Variants in ZNF541 observed in about 807,000 individuals in gnomAD.
ZNF541 encodes zinc finger protein 541.
ZNF541 carries 23 observed loss-of-function variants against 123.5 expected under a neutral mutation model. That is an observed-to-expected ratio of 0.19 (90% confidence interval 0.13 to 0.26). ZNF541 has a LOEUF of 0.26. Ranked by LOEUF, ZNF541 falls within the 10% of genes least tolerant of loss-of-function variation. ZNF541 has a pLI of 1.00. For missense variants in ZNF541, 1,612 were observed against 1,789.9 expected, an observed-to-expected ratio of 0.90 and a Z score of 1.79; for synonymous variants, 751 against 754.5, an observed-to-expected ratio of 1.00 and a Z score of 0.08.
rs2123120388 is a variant in ZNF541 at position 47,544,184 on chromosome 19, G to A, written c.2345C>T (p.Ser782Leu). 3 of 1,551,164 alleles carry A rather than the reference G, an allele frequency of 1.9e-6. No homozygotes were observed. Among genetic ancestry groups the A allele is most frequent in the African/African-American group, 1.4e-5 (1 of 73,022 alleles). Residue 782 changes from serine to leucine, a missense_variant, in exon 5 of 17, where the codon TCG becomes TTG. Ser to Leu is a moderately radical substitution (Grantham distance 145). Around this residue, in one of 5 missense-constraint regions of ZNF541, gnomAD observed 1,080 missense variants for 1,013.8 expected, o/e 1.07. Transcript: ENST00000391901. ...GGAGGGATCTGCCGGGGGCCCGGCC[G>A]ATGAGAAGGAGGCCATGGCTACCTG... is the stretch of plus-strand genomic sequence containing the variant. ...PSQVAMASFS[S>L]AGPPADPSKS...
rs1295017379 is a variant in ZNF541, at chr19:47,544,107, C to T, written c.2403+19G>A. 51 of 1,533,378 alleles carry T rather than the reference C, an allele frequency of 3.3e-5. No homozygotes were observed. The highest frequency in any genetic ancestry group is 4.0e-5 in the Non-Finnish European group (46 of 1,136,684). The allele number at this position is 1,533,378 out of a possible 1,614,324, so 95.0% of individuals were successfully genotyped here. ...AACTCACTCCACTCTGGTCAGGCCA[C>T]GTGAGAGAGAGCTGGTACCTGGATT... On this transcript the variant is annotated intron_variant, in intron 5 of 16. Transcript: ENST00000391901.
intron 6 of ZNF541, 67 bp from the exon 7 acceptor site, chr19:47,540,402 T>C: frequency 6.9e-7 from 1 of 1,447,266 alleles, no homozygotes; most frequent in Admixed American, 2.9e-5. Flanking sequence ...GATTTTTTGT[T>C]GTTTTTTTTT....
chr19:47,525,786 T>G (rs577259183), intron 14 of ZNF541, among the ~76,000 whole-genome samples: 247 of 152,034 alleles, frequency 1.6e-3, no homozygotes, highest in Non-Finnish European at 3.1e-3. Flanking sequence ...GGTGGTGGCA[T>G]GTGCCTGTAG....
chr19:47,531,989 C>G, intron 11 of ZNF541, 139 bp downstream of exon 11: 1 of 1,216,278 alleles, frequency 8.2e-7, no homozygotes, highest in Non-Finnish European at 1.1e-6. Context: ...CAACGCTGGC[C>G]AAGAGCCAGC....
intron 14 of ZNF541, among the ~76,000 whole-genome samples, chr19:47,523,194 AT>A: frequency 6.9e-6 from 1 of 145,234 alleles, no homozygotes; most frequent in African/African-American, 2.6e-5. Flanking sequence ...ATGCCCAGCT[AT>A]TTTTTTGTGT....
Position 47,540,494 on chromosome 19 carries a change from C to T in ZNF541, c.2463-159G>A, listed in dbSNP as rs1219242054. ...TCACTCTGTTGCCCAGACTGGAGTG[C>T]GGTGGCACCATCTCGGCTCACTGTA... is the stretch of plus-strand genomic sequence containing the variant. On this transcript the variant is annotated intron_variant, in intron 6 of 16. Coordinates refer to ENST00000391901, the MANE Select transcript of ZNF541 (RefSeq NM_001277075.3). 2.0e-5 allele frequency among the ~76,000 whole-genome samples: 3 copies of T among 150,074 alleles called. No homozygotes were observed. In the East Asian group the frequency reaches 5.9e-4, roughly 29 times the overall value.
chr19:47,543,377 G>A (rs1970164889), intron 5 of ZNF541, among the ~76,000 whole-genome samples: 1 of 152,032 alleles, frequency 6.6e-6, no homozygotes, highest in African/African-American at 2.4e-5. Flanking sequence ...CACAACATCT[G>A]GAGGAACCAG....
At chr19:47,544,026 T>G (rs1970194319) in intron 5 of ZNF541, 100 bp downstream of exon 5, 2 of 1,355,976 alleles carry the variant, frequency 1.5e-6, no homozygotes, top group Non-Finnish European at 1.9e-6. Context: ...TAAAATTGCA[T>G]CTGGGGACTC....
chr19:47,565,403 T>C (rs754573218), intron 2 of ZNF541, among the ~76,000 whole-genome samples: 11 of 152,214 alleles, frequency 7.2e-5, no homozygotes, highest in Non-Finnish European at 1.6e-4. Context: ...GTGGTTTCAA[T>C]GCCTGGGTGT....
chr19:47,540,234 C>T lies in ZNF541; in HGVS notation c.2564G>A (p.Ser855Asn). ...QMFYTEKGLS[S>N]HMCFHSDQWP... Reference sequence around the variant, plus strand: ...CTGGTCGCTGTGAAAACACATGTGGCTGCTCAGCCCTTTCTCCGTATAAAA... The same window carrying T: ...CTGGTCGCTGTGAAAACACATGTGGTTGCTCAGCCCTTTCTCCGTATAAAA... The change falls in exon 7 of 17, where the codon AGC becomes AAC. Residue 855 changes from serine (S) to asparagine (N), a missense_variant. Physicochemically the swap from Ser to Asn is conservative, Grantham distance 46 (BLOSUM62 1). Transcript: ENST00000391901. The T allele has an allele frequency of 6.4e-7, 1 of 1,551,768 alleles. No homozygotes were observed. Among genetic ancestry groups the T allele is most frequent in the Non-Finnish European group, 8.7e-7 (1 of 1,147,020 alleles).
Position 47,567,245 on chromosome 19 carries a change from A to G in ZNF541, c.-99+4651T>C, listed in dbSNP as rs528124438. On this transcript the variant is annotated intron_variant, in intron 2 of 16. Transcript: ENST00000391901. ...TAAACTCTTTATTTTATTTAAGTTT[A>G]GTTAAATTTATTTATTTATTTATTT... 7.7e-4 allele frequency among the ~76,000 whole-genome samples: 117 copies of G among 152,074 alleles called. 3 individuals are homozygous for G. In the South Asian group the frequency reaches 0.016, roughly 21 times the overall value.
At chr19:47,560,534 C>T (rs1157677365) in intron 2 of ZNF541, among the ~76,000 whole-genome samples, 2 of 149,946 alleles carry the variant, frequency 1.3e-5, no homozygotes, top group African/African-American at 2.5e-5. Context: ...CAAGATTGCG[C>T]CACTGCACTC....
At chr19:47,530,335 ATT>A (rs10586987) in intron 12 of ZNF541, among the ~76,000 whole-genome samples, 8,166 of 131,782 alleles carry the variant, frequency 0.062, 247 homozygotes, top group East Asian at 0.13. Flanking sequence ...CTCCCTGCTA[ATT>A]TTTTTTTTTT....
chr19:47,547,938 G>A (rs1970423804), intron 4 of ZNF541, among the ~76,000 whole-genome samples: 1 of 151,160 alleles, frequency 6.6e-6, no homozygotes, highest in Non-Finnish European at 1.5e-5. Flanking sequence ...TACTCAAGAT[G>A]AGGAGGCAGG....
chr19:47,555,452 A>G (rs1260363686), intron 3 of ZNF541, 98 bp downstream of exon 3: 1 of 1,285,266 alleles, frequency 7.8e-7, no homozygotes, highest in African/African-American at 1.5e-5. Context: ...GTAGGAGGGA[A>G]AAATTTTCTT....
chr19:47,551,854 A>G (rs1970614015), intron 3 of ZNF541, among the ~76,000 whole-genome samples: 1 of 151,748 alleles, frequency 6.6e-6, no homozygotes, highest in Non-Finnish European at 1.5e-5. Flanking sequence ...GCCTTATGAG[A>G]TGGCAAGTTT....
chr19:47,521,625 G>T lies in ZNF541; in HGVS notation c.3741C>A (p.Ser1247Arg). ...TCTTTAACTTGGGAGTTGGATGGTG[G>T]CTGGGTCTCTCCCGAGGGCTGCATG... ...KVPCSPRERP[S>R]HHPTPKLKTK... The change falls in exon 16 of 17, where the codon AGC (serine) becomes AGA (arginine). Residue 1247 changes from serine (S) to arginine (R), a missense_variant. Coordinates refer to ENST00000391901, the MANE Select transcript of ZNF541 (RefSeq NM_001277075.3). The surrounding 1 kb of genome is among the most constrained non-coding windows in gnomAD (Gnocchi z 4.2). 6.4e-7 allele frequency: 1 copy of T among 1,551,784 alleles called. No individual in the cohort carries two copies. Among genetic ancestry groups the T allele is most frequent in the South Asian group, 1.2e-5 (1 of 84,068 alleles).
intron 1 of ZNF541, among the ~76,000 whole-genome samples, chr19:47,572,716 T>A (rs1434099689): frequency 8.1e-6 from 1 of 124,198 alleles, no homozygotes; most frequent in Non-Finnish European, 1.7e-5. Context: ...GGAGGTCGGG[T>A]AGGGCCCGCG....
intron 7 of ZNF541, 79 bp downstream of exon 7, chr19:47,540,097 A>C (rs577526687): frequency 6.8e-7 from 1 of 1,475,914 alleles, no homozygotes; most frequent in East Asian, 2.5e-5. Context: ...TCCTGAGATA[A>C]GTGACACCAA....
Sources: allele counts gnomAD v4.1 joint callset (sites outside exome capture counted in the v4.1 genomes callset), GRCh38; gene constraint gnomAD v4.1.1; regional missense constraint gnomAD v4.1.1; non-coding constraint Gnocchi (gnomAD v3.1); transcripts MANE v1.5; gene names NCBI Gene and HGNC (gene_info 2026-07-23, HGNC 2026-07-21).